The following ANXA4 variants were observed in gnomAD, a reference collection of about 807,000 sequenced individuals.
ANXA4 encodes the protein 35-beta calcimedin.
In ANXA4, 39 loss-of-function variants were observed where a neutral mutation model predicts 49.8. The observed-to-expected ratio is 0.78, with a 90% CI of 0.61 to 1.02. The LOEUF (loss-of-function observed/expected upper bound fraction) is 1.02, where lower values mean the gene tolerates loss of function less well. ANXA4 is among the 50% of genes least tolerant of loss of function. The pLI, the probability that ANXA4 is intolerant of heterozygous loss-of-function variation, is 0.00. For missense variants in ANXA4, 360 were observed against 410.1 expected, an observed-to-expected ratio of 0.88 and a Z score of 1.05; for synonymous variants, 134 against 152.5, an observed-to-expected ratio of 0.88 and a Z score of 0.89.
At chr2:69,660,550 A>G (rs1429703681) in intron 2 of ANXA4, among the ~76,000 whole-genome samples, 5 of 152,228 alleles carry the variant, frequency 3.3e-5, no homozygotes, top group Admixed American at 3.3e-4. Flanking sequence ...ATTGTTTAAA[A>G]TAATTACAAA....
At chr2:69,740,432 A>C (rs1391779838), upstream of ANXA4, among the ~76,000 whole-genome samples, 1 of 151,472 alleles carries the variant, frequency 6.6e-6, no homozygotes, top group Non-Finnish European at 1.5e-5. Flanking sequence ...TTGACCTTTA[A>C]TTTTTTGTTT....
intron 2 of ANXA4, among the ~76,000 whole-genome samples, chr2:69,656,137 C>G (rs1419303920): frequency 6.7e-6 from 1 of 150,202 alleles, no homozygotes; most frequent in East Asian, 1.9e-4. Flanking sequence ...AACAAACCTG[C>G]ACGTTATGCA....
intron 2 of ANXA4, 58 bp from the exon 3 acceptor site, chr2:69,787,996 A>G (rs1672486714): frequency 7.0e-7 from 1 of 1,434,740 alleles, no homozygotes. Context: ...GCCGAATGAG[A>G]TGCCTCCGTG....
intron 2 of ANXA4, among the ~76,000 whole-genome samples, chr2:69,661,926 A>C (rs540060335): frequency 6.6e-6 from 1 of 152,330 alleles, no homozygotes; most frequent in South Asian, 2.1e-4. Flanking sequence ...AGAATCATGC[A>C]GTGGCTCTCT....
intron 8 of ANXA4, 151 bp from the exon 9 acceptor site, chr2:69,815,950 T>C: frequency 1.6e-6 from 1 of 635,178 alleles, no homozygotes; most frequent in Non-Finnish European, 2.8e-6. Context: ...GGAAGGATCC[T>C]GAGTCATTTC....
chr2:69,663,397 T>C (rs1159215462), intron 2 of ANXA4, among the ~76,000 whole-genome samples: 1 of 132,686 alleles, frequency 7.5e-6, no homozygotes, highest in Non-Finnish European at 1.5e-5. Context: ...GATCTGACAA[T>C]AAAGATAGAA....
At chr2:69,812,569 A>T in intron 7 of ANXA4, 84 bp from the exon 8 acceptor site, 1 of 1,185,336 alleles carries the variant, frequency 8.4e-7, no homozygotes, top group South Asian at 1.4e-5. Context: ...TTGTCTCATT[A>T]CTCTAGACCT....
At chr2:69,770,760 C>T (rs1162301522) in intron 1 of ANXA4, among the ~76,000 whole-genome samples, 8 of 151,540 alleles carry the variant, frequency 5.3e-5, no homozygotes, top group Middle Eastern at 3.4e-3. Context: ...GACACACACA[C>T]GTGCAGACAC....
intron 7 of ANXA4, among the ~76,000 whole-genome samples, chr2:69,812,285 CAGA>C (rs1043183800): frequency 6.6e-6 from 1 of 152,066 alleles, no homozygotes; most frequent in Admixed American, 6.6e-5. Flanking sequence ...CCCCTTTTGG[CAGA>C]GGTTGATCAA....
chr2:69,703,341 A>G (rs1353090131), intron 2 of ANXA4, among the ~76,000 whole-genome samples: 1 of 152,006 alleles, frequency 6.6e-6, no homozygotes, highest in African/African-American at 2.4e-5. Flanking sequence ...CAGTTGTGCA[A>G]TCTTTGCCAT....
chr2:69,757,252 ATATATATATATATATTTTTTTTTTT>A (rs1671077643), intron 1 of ANXA4, among the ~76,000 whole-genome samples: 1 of 42,384 alleles, frequency 2.4e-5, no homozygotes, highest in African/African-American at 1.9e-4. Context: ...ATATATATAT[ATATATATATATATATTTTTTTTTTT>A]TTTTTTTTTT....
At chr2:69,791,363 C>G (rs995610956) in intron 3 of ANXA4, among the ~76,000 whole-genome samples, 2 of 152,126 alleles carry the variant, frequency 1.3e-5, no homozygotes, top group Non-Finnish European at 2.9e-5. Flanking sequence ...CCAGTTTTTC[C>G]AATTGTGTTT....
At chr2:69,793,509 C>A (rs1467214244) in intron 3 of ANXA4, among the ~76,000 whole-genome samples, 2 of 152,058 alleles carry the variant, frequency 1.3e-5, no homozygotes, top group African/African-American at 4.8e-5. Flanking sequence ...AGGCATTACA[C>A]AAGTAACACA....
At chr2:69,736,236 T>G (rs1670241267) in intron 3 of ANXA4, among the ~76,000 whole-genome samples, 1 of 152,106 alleles carries the variant, frequency 6.6e-6, no homozygotes, top group African/African-American at 2.4e-5. Flanking sequence ...GGGGCAGGGT[T>G]TTTGGAAGAG....
chr2:69,731,210 G>A (rs375947566), intron 3 of ANXA4, among the ~76,000 whole-genome samples: 1 of 152,122 alleles, frequency 6.6e-6, no homozygotes, highest in Admixed American at 6.5e-5. Context: ...TTGGGGTCTG[G>A]AGTCTCCTGC....
intron 1 of ANXA4, among the ~76,000 whole-genome samples, chr2:69,762,256 T>G (rs977410280): frequency 1.3e-5 from 2 of 152,182 alleles, no homozygotes; most frequent in African/African-American, 4.8e-5. Context: ...GCGAGGTGGC[T>G]CATGCCTGTA....
chr2:69,650,993 AAAG>A (rs1344286809), intron 1 of ANXA4, among the ~76,000 whole-genome samples: 1 of 152,232 alleles, frequency 6.6e-6, no homozygotes, highest in Admixed American at 6.5e-5. Context: ...GAAATATGAT[AAAG>A]AAGATGGACA....
intron 2 of ANXA4, among the ~76,000 whole-genome samples, chr2:69,688,712 A>G (rs966479316): frequency 3.3e-5 from 5 of 152,224 alleles, no homozygotes; most frequent in African/African-American, 1.2e-4. Flanking sequence ...GGATTTAAAA[A>G]TATTTGATGT....
At chr2:69,656,643 C>G (rs570463643) in intron 2 of ANXA4, among the ~76,000 whole-genome samples, 2 of 149,478 alleles carry the variant, frequency 1.3e-5, no homozygotes, top group African/African-American at 5.0e-5. Context: ...ACCTCCACCT[C>G]CTGGGTTCAA....
Sources: allele counts gnomAD v4.1 joint callset (sites outside exome capture counted in the v4.1 genomes callset), GRCh38; gene constraint gnomAD v4.1.1; transcripts MANE v1.5; gene names NCBI Gene and HGNC (gene_info 2026-07-23, HGNC 2026-07-21).